PGS1: variants seen among roughly 807,000 people sequenced by gnomAD.
The protein encoded by PGS1 is phosphatidylglycerophosphate synthase 1.
A neutral mutation model predicts 58.3 loss-of-function variants in PGS1; 44 were observed. The observed-to-expected ratio is 0.75, with a 90% confidence interval of 0.59 to 0.97. The LOEUF (loss-of-function observed/expected upper bound fraction) is 0.97, where lower values mean the gene tolerates loss of function less well. Ranked by LOEUF, PGS1 falls within the 50% of genes least tolerant of loss-of-function variation. The pLI, the probability that PGS1 is intolerant of heterozygous loss-of-function variation, is 0.00. For synonymous variants in PGS1, 330 were observed against 311.0 expected (o/e 1.06, Z -0.64); for missense variants, 684 against 731.1 (o/e 0.94, Z 0.74).
chr17:78,399,287 C>T (rs2083470614), intron 4 of PGS1, 61 bp from the exon 5 acceptor site: 5 of 1,368,020 alleles, frequency 3.7e-6, no homozygotes, highest in Non-Finnish European at 5.2e-6. Flanking sequence ...GGTGGCTCCT[C>T]ATTGGGGGCA....
chr17:78,405,205 C>T (rs183114976), intron 7 of PGS1, among the ~76,000 whole-genome samples: 30 of 150,876 alleles, frequency 2.0e-4, no homozygotes, highest in African/African-American at 6.8e-4. Flanking sequence ...ACCATGTTGG[C>T]CAGGCTGGTC....
At chr17:78,409,663 C>T (rs540016558) in intron 7 of PGS1, among the ~76,000 whole-genome samples, 128 of 152,320 alleles carry the variant, frequency 8.4e-4, no homozygotes, top group African/African-American at 3.0e-3. Context: ...AGTGCTTATC[C>T]TGTAAGGATA....
intron 3 of PGS1, among the ~76,000 whole-genome samples, chr17:78,397,497 C>T (rs971630336): frequency 2.7e-5 from 4 of 146,068 alleles, no homozygotes; most frequent in Non-Finnish European, 4.6e-5. Context: ...AGTGCAATGG[C>T]GCGATCTCGG....
At position 78,424,101 on chromosome 17, in the gene PGS1, C is replaced by T. The variant is rs751710327; in HGVS notation, c.*51C>T. 13 of 1,613,858 alleles carry T rather than the reference C, an allele frequency of 8.1e-6. No homozygotes were observed. The highest frequency in any genetic ancestry group is 9.3e-6 in the Non-Finnish European group (11 of 1,179,884). ...AGATGACAGGCATGGCCGGGGTCAG[C>T]TCTTTCAGCCGCGCTTCAGCGATGA... On this transcript the variant is annotated 3_prime_UTR_variant, in exon 10 of 10. Coordinates refer to ENST00000262764, the MANE Select transcript of PGS1 (RefSeq NM_024419.5).
chr17:78,419,551 A>G lies in PGS1; in HGVS notation c.1557A>G (p.Gln519=). The change falls in exon 9 of 10, where the codon CAA becomes CAG. Residue 519 remains glutamine, a synonymous_variant. Coordinates refer to ENST00000262764, the MANE Select transcript of PGS1 (RefSeq NM_024419.5). The part of the protein sequence containing the change: ...QALQQQLHQE[Q]EQLYLRSGVV... ...TGTCTGTTCCTCTTCCTCAGGAGCA[A>G]GAGCAGCTCTACCTGAGGTCAGGTG... The G allele has an allele frequency of 6.8e-6, 11 of 1,613,792 alleles. No individual in the cohort carries two copies. Among genetic ancestry groups the G allele is most frequent in the Non-Finnish European group, 9.3e-6 (11 of 1,179,790 alleles).
chr17:78,396,825 CTT>C (rs2083259238), intron 3 of PGS1, among the ~76,000 whole-genome samples: 1 of 152,208 alleles, frequency 6.6e-6, no homozygotes, highest in Non-Finnish European at 1.5e-5. Flanking sequence ...GGTAAACAAA[CTT>C]TTGTTGGAAC....
chr17:78,419,476 GGGCCAGCC>G (rs2085497149), intron 8 of PGS1, 62 bp from the exon 9 acceptor site: 2 of 1,393,184 alleles, frequency 1.4e-6, no homozygotes, highest in South Asian at 1.2e-5. Flanking sequence ...GGCTGGGCTG[GGGCCAGCC>G]GGCCATGTGG....
At chr17:78,384,231 A>G (rs1567934798) in intron 1 of PGS1, among the ~76,000 whole-genome samples, 1 of 152,212 alleles carries the variant, frequency 6.6e-6, no homozygotes, top group East Asian at 1.9e-4. Context: ...TTGTTATGGG[A>G]GTTCAGCAGG....
intron 7 of PGS1, among the ~76,000 whole-genome samples, chr17:78,413,619 G>C (rs1372739941): frequency 1.3e-5 from 2 of 152,198 alleles, no homozygotes; most frequent in African/African-American, 2.4e-5. Context: ...CATCAGGCAG[G>C]AAGCATTCTT....
chr17:78,396,425 A>T (rs769375470), intron 3 of PGS1, 40 bp downstream of exon 3: 10 of 1,414,030 alleles, frequency 7.1e-6, no homozygotes, highest in Non-Finnish European at 9.8e-6. Context: ...GCAATAGTGA[A>T]TGGGCCCCAA....
intron 1 of PGS1, among the ~76,000 whole-genome samples, chr17:78,384,713 C>A (rs145056676): frequency 6.6e-6 from 1 of 152,154 alleles, no homozygotes; most frequent in Non-Finnish European, 1.5e-5. Context: ...GACAGCCCTC[C>A]AGCTTTACCG....
Position 78,419,566 on chromosome 17 carries a change from G to C in PGS1, c.1572G>C (p.Leu524=), listed in dbSNP as rs754583865. 3 of 1,614,006 alleles carry C rather than the reference G, an allele frequency of 1.9e-6. 1 individual carries two copies. In the South Asian group the frequency reaches 3.3e-5, roughly 18 times the overall value. ...QLHQEQEQLY[L]RSGVVSSATF... ...CTCAGGAGCAAGAGCAGCTCTACCT[G>C]AGGTCAGGTGTGGTGTCCTCTGCCA... Residue 524 remains leucine, a synonymous_variant, in exon 9 of 10, where the codon CTG becomes CTC. Coordinates refer to ENST00000262764, the MANE Select transcript of PGS1 (RefSeq NM_024419.5).
chr17:78,422,133 C>G (rs766193134), intron 9 of PGS1, among the ~76,000 whole-genome samples: 8 of 152,296 alleles, frequency 5.3e-5, no homozygotes, highest in Middle Eastern at 3.4e-3. Flanking sequence ...GTGGTTATTA[C>G]CAGGGACTGA....
Position 78,403,767 on chromosome 17 carries a change from C to G in PGS1, c.1080C>G (p.Phe360Leu). The G allele has an allele frequency of 1.9e-6, 3 of 1,614,200 alleles. No individual in the cohort carries two copies. The highest frequency in any genetic ancestry group is 2.5e-6 in the Non-Finnish European group (3 of 1,180,034). ...ATCCGCTGATTCAGATGAAGCCCTT[C>G]GAGATTCAAATCGATGAGATTGTCA... ...WIYPLIQMKP[F>L]EIQIDEIVTE... is the part of the protein sequence containing the mutation. Residue 360 changes from phenylalanine (F) to leucine (L), a missense_variant, in exon 7 of 10, where the codon TTC (phenylalanine) becomes TTG (leucine). Transcript: ENST00000262764.
intron 2 of PGS1, 50 bp from the exon 3 acceptor site, chr17:78,396,257 GT>G (rs2083222526): frequency 7.1e-7 from 1 of 1,408,366 alleles, no homozygotes; most frequent in South Asian, 1.2e-5. Context: ...TGTTTTCTTA[GT>G]GAACCATGAA....
intron 9 of PGS1, chr17:78,421,917 C>G (rs1345625667): frequency 6.8e-6 from 1 of 148,124 alleles, no homozygotes; most frequent in Non-Finnish European, 1.5e-5. Context: ...CGGGCGGCGG[C>G]CGCCGCAGTC....
chr17:78,421,107 A>C (rs1206267764), intron 9 of PGS1: 1 of 152,132 alleles, frequency 6.6e-6, no homozygotes. Context: ...TTTTTATTGG[A>C]TCTACTTAAA....
At chr17:78,381,624 A>G (rs1441723078) in intron 1 of PGS1, among the ~76,000 whole-genome samples, 3 of 152,142 alleles carry the variant, frequency 2.0e-5, no homozygotes, top group Non-Finnish European at 4.4e-5. Flanking sequence ...CTCGCTGATC[A>G]TTGATTCATT....
rs1171711757 is a variant in PGS1, at chr17:78,400,752, C to T, written c.777C>T (p.Ala259=). The change falls in exon 6 of 10, where the codon GCC becomes GCT. Residue 259 remains alanine, a synonymous_variant. Coordinates refer to ENST00000262764, the MANE Select transcript of PGS1 (RefSeq NM_024419.5). This position sits in a 1 kb window ranked among gnomAD's most constrained non-coding sequence, Gnocchi z 4.4. ...TCCTGCAGGACTGTGCGGAGATTGC[C>T]GACTTCTTCACGGAGCTGGTGGACG... ...YVFLQDCAEI[A]DFFTELVDAV... is the part of the protein sequence containing the mutation. The T allele has an allele frequency of 2.9e-5, 47 of 1,613,830 alleles. No individual in the cohort carries two copies. Among genetic ancestry groups the T allele is most frequent in the African/African-American group, 4.0e-5 (3 of 74,864 alleles).
Sources: gnomAD v4.1 joint callset for allele counts (sites outside exome capture counted in the v4.1 genomes callset) on GRCh38, gnomAD v4.1.1 for gene constraint, Gnocchi (gnomAD v3.1) non-coding constraint, MANE v1.5 for transcripts, NCBI Gene and HGNC (gene_info 2026-07-23, HGNC 2026-07-21) for gene names.